ARID4B: variants seen among roughly 807,000 people sequenced by gnomAD.
ARID4B encodes AT-rich interaction domain 4B, also known as AT-rich interactive domain-containing protein 4B.
Under a neutral mutation model 147.5 loss-of-function variants are expected in ARID4B, and 26 were observed. The ratio of observed to expected loss-of-function variants is 0.18; its 90% CI spans 0.13 to 0.24. The LOEUF (loss-of-function observed/expected upper bound fraction) is 0.24. Among genes scored for constraint, ARID4B ranks in the 10% least tolerant of loss-of-function variants. The pLI is 1.00. For synonymous variants in ARID4B, 512 were observed against 507.9 expected, an observed-to-expected ratio of 1.01 and a Z score of -0.11; for missense variants, 1,179 against 1,511.5, an observed-to-expected ratio of 0.78 and a Z score of 3.65.
At chr1:235,233,996 T>C (rs1668403417) in intron 9 of ARID4B, among the ~76,000 whole-genome samples, 1 of 152,076 alleles carries the variant, frequency 6.6e-6, no homozygotes, top group Non-Finnish European at 1.5e-5. Context: ...GGAGAATAGC[T>C]TGAACCCAGG....
At position 235,229,229 on chromosome 1, in the gene ARID4B, ACTT is replaced by A; in HGVS notation, c.896_897+1del. The A allele has an allele frequency of 6.8e-6, 11 of 1,607,682 alleles. No individual in the cohort carries two copies. Among genetic ancestry groups the A allele is most frequent in the Non-Finnish European group, 9.3e-6 (11 of 1,177,646 alleles). ...TAAAAGGTATCAACTGTTTTCACTT[ACTT>A]CTTCTTCACTGCTATTATCCTCCTT... On this transcript the variant is annotated splice_donor_variant and coding_sequence_variant, in exon 11 of 24. Transcript: ENST00000264183. LOFTEE classifies it high-confidence loss of function.
intron 2 of ARID4B, among the ~76,000 whole-genome samples, chr1:235,319,376 G>T (rs1674660739): frequency 6.6e-6 from 1 of 152,238 alleles, no homozygotes; most frequent in Non-Finnish European, 1.5e-5. Context: ...GCTGGGCATG[G>T]TGCCGTGCAC....
intron 2 of ARID4B, among the ~76,000 whole-genome samples, chr1:235,311,130 G>A (rs569330583): frequency 3.2e-4 from 49 of 152,104 alleles, no homozygotes; most frequent in African/African-American, 1.1e-3. Flanking sequence ...GTTGGTGGCT[G>A]CAATAATTCA....
chr1:235,255,114 C>G (rs1343785256), intron 5 of ARID4B, among the ~76,000 whole-genome samples: 10 of 151,672 alleles, frequency 6.6e-5, no homozygotes, highest in African/African-American at 2.2e-4. Context: ...TTCAATCCAG[C>G]ATTTATTGTA....
rs1385302559 is a variant in ARID4B, at chr1:235,218,470, CTTTA to C, written c.1583+1319_1583+1322del. Among the ~76,000 whole-genome samples the C allele has an allele frequency of 2.0e-5, 3 of 152,268 alleles. No individual in the cohort carries two copies. The East Asian group carries it at 5.8e-4, about 29-fold the overall frequency. On this transcript the variant is annotated intron_variant, in intron 16 of 23. Transcript: ENST00000264183. ...CAGATTTTTTGGTAAAAAGCTGAAT[CTTTA>C]TTAAGATTCTTATCAAAATGATCTC... is the stretch of plus-strand genomic sequence containing the variant.
At chr1:235,298,569 TC>T (rs1250599307) in intron 2 of ARID4B, among the ~76,000 whole-genome samples, 2 of 148,606 alleles carry the variant, frequency 1.3e-5, no homozygotes, top group East Asian at 3.9e-4. Context: ...TTTATATATA[TC>T]CATATATATG....
intron 6 of ARID4B, among the ~76,000 whole-genome samples, chr1:235,251,089 G>A (rs1332252901): frequency 1.3e-5 from 2 of 151,908 alleles, no homozygotes; most frequent in Non-Finnish European, 2.9e-5. Context: ...TAAACCTTCA[G>A]TTTATTCCAC....
chr1:235,196,906 A>G (rs1002484186), intron 17 of ARID4B, among the ~76,000 whole-genome samples: 7 of 131,334 alleles, frequency 5.3e-5, no homozygotes, highest in Non-Finnish European at 4.7e-5. Context: ...ATTGTAACGT[A>G]TGGATAATGC....
intron 2 of ARID4B, among the ~76,000 whole-genome samples, chr1:235,278,765 T>C (rs1671495407): frequency 6.6e-6 from 1 of 152,200 alleles, no homozygotes; most frequent in South Asian, 2.1e-4. Context: ...AGTCTTCAAT[T>C]GTCCTACCAC....
At chr1:235,297,129 G>A (rs1466543180) in intron 2 of ARID4B, among the ~76,000 whole-genome samples, 3 of 152,100 alleles carry the variant, frequency 2.0e-5, no homozygotes, top group Admixed American at 6.6e-5. Context: ...GCCAGAAAGA[G>A]AGTAAGTTAT....
At chr1:235,288,034 C>T (rs1672099863) in intron 2 of ARID4B, among the ~76,000 whole-genome samples, 1 of 152,228 alleles carries the variant, frequency 6.6e-6, no homozygotes, top group Non-Finnish European at 1.5e-5. Context: ...TGGCTGGGCG[C>T]AGTGGCTCAT....
chr1:235,271,294 G>T (rs1229631686), intron 2 of ARID4B, among the ~76,000 whole-genome samples: 1 of 152,110 alleles, frequency 6.6e-6, no homozygotes, highest in Admixed American at 6.6e-5. Context: ...GGTTGTGGCC[G>T]CAGTGACTAT....
intron 14 of ARID4B, 51 bp from the exon 15 acceptor site, chr1:235,220,596 C>T: frequency 7.3e-7 from 1 of 1,376,598 alleles, no homozygotes; most frequent in South Asian, 1.6e-5. Flanking sequence ...CAAAATATAA[C>T]TATAGAGTTA....
At chr1:235,200,316 A>G in intron 17 of ARID4B, among the ~76,000 whole-genome samples, 1 of 152,174 alleles carries the variant, frequency 6.6e-6, no homozygotes, top group Non-Finnish European at 1.5e-5. Context: ...AAAATCAGCC[A>G]GGCGTGGTAG....
intron 6 of ARID4B, among the ~76,000 whole-genome samples, chr1:235,252,154 T>C (rs765416698): frequency 6.6e-6 from 1 of 152,148 alleles, no homozygotes; most frequent in African/African-American, 2.4e-5. Flanking sequence ...AACAAAGCCA[T>C]GAAGAAGATA....
chr1:235,209,563 G>GTTTTTTTTT (rs374681138), intron 17 of ARID4B, among the ~76,000 whole-genome samples: 2 of 137,158 alleles, frequency 1.5e-5, no homozygotes, highest in Non-Finnish European at 1.6e-5. Context: ...TTTGTTTTTT[G>GTTTTTTTTT]TTTTGTTTTT....
intron 2 of ARID4B, among the ~76,000 whole-genome samples, chr1:235,325,679 T>C (rs1434509892): frequency 2.6e-5 from 4 of 152,208 alleles, no homozygotes; most frequent in African/African-American, 9.7e-5. Flanking sequence ...ATAGCTAGGA[T>C]TTGTGACTAA....
At chr1:235,327,104 C>T in intron 1 of ARID4B, 136 bp from the exon 2 acceptor site, 1 of 627,766 alleles carries the variant, frequency 1.6e-6, no homozygotes, top group Non-Finnish European at 2.8e-6. Flanking sequence ...CGAACCATCA[C>T]ACGCCGACTC....
At chr1:235,265,075 G>C (rs923354078) in intron 2 of ARID4B, among the ~76,000 whole-genome samples, 1 of 136,500 alleles carries the variant, frequency 7.3e-6, no homozygotes, top group African/African-American at 2.9e-5. Context: ...AAAAAAAAAA[G>C]TTTTCGGCTG....
Sources: allele counts gnomAD v4.1 joint callset (sites outside exome capture counted in the v4.1 genomes callset), GRCh38; gene constraint gnomAD v4.1.1; transcripts MANE v1.5; gene names NCBI Gene and HGNC (gene_info 2026-07-23, HGNC 2026-07-21).